The following CREB3 variants were observed in gnomAD, a reference collection of about 807,000 sequenced individuals.
CREB3 encodes the protein cyclic AMP-responsive element-binding protein 3.
In CREB3, 29 loss-of-function variants were observed where a neutral mutation model predicts 34.5. The observed-to-expected ratio is 0.84, with a 90% CI of 0.63 to 1.15. The LOEUF is 1.15. Among genes scored for constraint, CREB3 ranks in the 50% most tolerant of loss-of-function variants. The pLI is 0.00. For missense variants in CREB3, 447 were observed against 443.4 expected (o/e 1.01, Z -0.07); for synonymous variants, 187 against 173.9 (o/e 1.08, Z -0.59).
Position 35,732,954 on chromosome 9 carries a change from A to G in CREB3, c.130-42A>G, listed in dbSNP as rs373045938. ...CGTGGGATGTCCATGAAGTCAGGTGATGGTGATAAGGTCAAGGCCTGTTCA... is the reference window on the plus strand; with the variant it reads ...CGTGGGATGTCCATGAAGTCAGGTGGTGGTGATAAGGTCAAGGCCTGTTCA... On this transcript the variant is annotated intron_variant, in intron 1 of 8. Transcript: ENST00000353704. This position sits in a 1 kb window ranked among gnomAD's most constrained non-coding sequence, Gnocchi z 5.1. The G allele has an allele frequency of 6.2e-7, 1 of 1,612,978 alleles. No homozygotes were observed. The highest frequency in any genetic ancestry group is 8.5e-7 in the Non-Finnish European group (1 of 1,179,194).
chr9:35,735,050 G>A (rs929906501), intron 4 of CREB3, 59 bp from the exon 5 acceptor site: 76 of 1,413,330 alleles, frequency 5.4e-5, no homozygotes, highest in South Asian at 6.3e-5. Context: ...TCTCAGTTGC[G>A]TTTCAACTCC....
chr9:35,732,980 T>C lies in CREB3; in HGVS notation c.130-16T>C, dbSNP rs1265100541. The C allele has an allele frequency of 1.6e-5, 26 of 1,613,860 alleles. No individual in the cohort carries two copies. Among genetic ancestry groups the C allele is most frequent in the African/African-American group, 1.2e-4 (9 of 74,924 alleles). On this transcript the variant is annotated splice_polypyrimidine_tract_variant and intron_variant, in intron 1 of 8. Transcript: ENST00000353704. The surrounding 1 kb of genome is among the most constrained non-coding windows in gnomAD (Gnocchi z 5.1). The stretch of plus-strand genomic sequence containing the variant: ...TGGTGATAAGGTCAAGGCCTGTTCA[T>C]TGGAACCCTGCGCAGGTACCGAGCG...
chr9:35,732,819 T>G lies in CREB3; in HGVS notation c.47T>G (p.Leu16Arg), dbSNP rs1826114658. ...DAGDQDLLAF[L>R]LEESGDLGTA... The stretch of plus-strand genomic sequence containing the variant: ...GGTGACCAAGACCTGCTGGCCTTCC[T>G]GCTAGAGGAAAGTGGAGATTTGGGG... The change falls in exon 1 of 9, where the codon CTG becomes CGG. Residue 16 changes from leucine to arginine, a missense_variant. Coordinates refer to ENST00000353704, the MANE Select transcript of CREB3 (RefSeq NM_006368.5). This position sits in a 1 kb window ranked among gnomAD's most constrained non-coding sequence, Gnocchi z 5.1. 6.2e-7 allele frequency: 1 copy of G among 1,614,208 alleles called. No homozygotes were observed. The highest frequency in any genetic ancestry group is 8.5e-7 in the Non-Finnish European group (1 of 1,180,028).
chr9:35,732,911 G>T lies in CREB3; in HGVS notation c.129+10G>T. The T allele has an allele frequency of 6.2e-7, 1 of 1,613,472 alleles. No homozygotes were observed. The highest frequency in any genetic ancestry group is 8.5e-7 in the Non-Finnish European group (1 of 1,179,606). Reference sequence around the variant, plus strand: ...GCTGCCGCTTTCTGAGGTAGGTTGGGGTTCTGACTGGGGAAAGCGTGGGAT... The same window carrying T: ...GCTGCCGCTTTCTGAGGTAGGTTGGTGTTCTGACTGGGGAAAGCGTGGGAT... On this transcript the variant is annotated intron_variant, in intron 1 of 8. Transcript: ENST00000353704. This position sits in a 1 kb window ranked among gnomAD's most constrained non-coding sequence, Gnocchi z 5.1.
chr9:35,736,235 A>G lies in CREB3; in HGVS notation c.705A>G (p.Leu235=). 3 of 1,614,144 alleles carry G rather than the reference A, an allele frequency of 1.9e-6. No homozygotes were observed. Among genetic ancestry groups the G allele is most frequent in the Non-Finnish European group, 8.5e-7 (1 of 1,180,020 alleles). The change falls in exon 8 of 9, where the codon CTA becomes CTG. Residue 235 remains leucine (L), a synonymous_variant. Coordinates refer to ENST00000353704, the MANE Select transcript of CREB3 (RefSeq NM_006368.5). ...SSSSTCILVL[L]VSFCLLLVPA... ...TTTTTCCTGTGCTCTAGGTCCTACT[A>G]GTCTCCTTCTGCCTCCTCCTTGTAC...
In CREB3 at chr9:35,733,134, A is replaced by G. The variant is rs748344685; in HGVS notation, c.268A>G (p.Met90Val). The G allele has an allele frequency of 4.2e-5, 68 of 1,614,024 alleles. No homozygotes were observed. Among genetic ancestry groups the G allele is most frequent in the African/African-American group, 5.3e-5 (4 of 74,910 alleles). ...CTCCCTCCCACGGGAAACTGTCTCT[A>G]TGGATCTAGGTGAGTCTGAAATAAG... ...TYSLPRETVSMDLESESCRKE... is the reference protein window; with the variant it reads ...TYSLPRETVSVDLESESCRKE... The change falls in exon 2 of 9, where the codon ATG becomes GTG. Residue 90 changes from methionine (M) to valine (V), a missense_variant. Transcript: ENST00000353704.
chr9:35,736,350 G>C, intron 8 of CREB3, 39 bp downstream of exon 8: 2 of 1,613,384 alleles, frequency 1.2e-6, no homozygotes, highest in Non-Finnish European at 1.7e-6. Context: ...AGGGCAAGGG[G>C]AGAGGTCTGG....
chr9:35,735,159 A>G lies in CREB3; in HGVS notation c.486A>G (p.Arg162=). Residue 162 remains arginine, a synonymous_variant, in exon 5 of 9, where the codon AGA becomes AGG. Coordinates refer to ENST00000353704, the MANE Select transcript of CREB3 (RefSeq NM_006368.5). ...TGCGGAGGAAGATTCGAAATAAAAG[A>G]TCTGCTCAAGAGAGCCGCAGGAAAA... ...KRVRRKIRNK[R]SAQESRRKKK... is the part of the protein sequence containing the mutation. 1.2e-6 allele frequency: 2 copies of G among 1,601,614 alleles called. No individual in the cohort carries two copies. The highest frequency in any genetic ancestry group is 1.1e-5 in the South Asian group (1 of 88,088).
At chr9:35,734,882 G>A (rs1347550117) in intron 4 of CREB3, among the ~76,000 whole-genome samples, 3 of 152,164 alleles carry the variant, frequency 2.0e-5, no homozygotes, top group South Asian at 2.1e-4. Context: ...CATGAGCCAC[G>A]TCGCCTGAAT....
chr9:35,735,266 G>T (rs777622457), intron 5 of CREB3, 40 bp from the exon 6 acceptor site: 2 of 1,612,180 alleles, frequency 1.2e-6, no homozygotes, highest in East Asian at 4.5e-5. Context: ...TTGAAGGGAG[G>T]ATACAGGCCA....
intron 3 of CREB3, 41 bp downstream of exon 3, chr9:35,733,323 C>T: frequency 1.2e-6 from 2 of 1,612,124 alleles, no homozygotes; most frequent in Non-Finnish European, 1.7e-6. Context: ...TCACATTCCC[C>T]AGGTGGGGGC....
intron 4 of CREB3, 94 bp downstream of exon 4, chr9:35,733,579 G>T: frequency 2.4e-6 from 2 of 840,980 alleles, no homozygotes; most frequent in Non-Finnish European, 3.9e-6. Context: ...CTTTAAAAAA[G>T]GATTGAGGTG....
chr9:35,736,186 A>G (rs201555221), intron 7 of CREB3, 41 bp from the exon 8 acceptor site: 1 of 1,611,546 alleles, frequency 6.2e-7, no homozygotes, highest in African/African-American at 1.3e-5. Context: ...GGGACAGGGC[A>G]ATCCAGAGCC....
chr9:35,733,328 G>T, intron 3 of CREB3, 46 bp downstream of exon 3: 6 of 1,612,034 alleles, frequency 3.7e-6, no homozygotes, highest in Middle Eastern at 1.7e-4. Context: ...TTCCCCAGGT[G>T]GGGGCAGGAT....
In CREB3 at chr9:35,732,987, C is replaced by G; in HGVS notation, c.130-9C>G. On this transcript the variant is annotated splice_polypyrimidine_tract_variant and intron_variant, in intron 1 of 8. Coordinates refer to ENST00000353704, the MANE Select transcript of CREB3 (RefSeq NM_006368.5). This position sits in a 1 kb window ranked among gnomAD's most constrained non-coding sequence, Gnocchi z 5.1. ...AAGGTCAAGGCCTGTTCATTGGAAC[C>G]CTGCGCAGGTACCGAGCGACTGGGA... The G allele has an allele frequency of 6.2e-7, 1 of 1,613,974 alleles. No homozygotes were observed. Among genetic ancestry groups the G allele is most frequent in the Non-Finnish European group, 8.5e-7 (1 of 1,179,900 alleles).
Position 35,733,078 on chromosome 9 carries a change from A to T in CREB3, c.212A>T (p.Asn71Ile). The stretch of plus-strand genomic sequence containing the variant: ...TCGTTGAACATTCTCAGCTCCTCCA[A>T]CCCCTGCCTTGTCCACCATGACCAC... Reference protein sequence around the residue: ...PASLNILSSSNPCLVHHDHTY... With the variant: ...PASLNILSSSIPCLVHHDHTY... The change falls in exon 2 of 9, where the codon AAC (asparagine) becomes ATC (isoleucine). Residue 71 changes from asparagine to isoleucine, a missense_variant. Coordinates refer to ENST00000353704, the MANE Select transcript of CREB3 (RefSeq NM_006368.5). 1 of 1,614,008 alleles carries T rather than the reference A, an allele frequency of 6.2e-7. No homozygotes were observed. The highest frequency in any genetic ancestry group is 1.1e-5 in the South Asian group (1 of 91,068).
In CREB3 at chr9:35,734,358, C is replaced by G. The variant is rs557047924; in HGVS notation, c.436-751C>G. On this transcript the variant is annotated intron_variant, in intron 4 of 8. Coordinates refer to ENST00000353704, the MANE Select transcript of CREB3 (RefSeq NM_006368.5). Reference sequence around the variant, plus strand: ...AGAGTTATTGTCTCTACAAGTCACTCTCTTGCTTTCCTTGATACTGGCTAG... The same window carrying G: ...AGAGTTATTGTCTCTACAAGTCACTGTCTTGCTTTCCTTGATACTGGCTAG... 3.3e-5 allele frequency among the ~76,000 whole-genome samples: 5 copies of G among 152,218 alleles called. No individual in the cohort carries two copies. In the South Asian group the frequency reaches 6.2e-4, roughly 19 times the overall value.
Position 35,733,060 on chromosome 9 carries a change from A to C in CREB3, c.194A>C (p.Asn65Thr), listed in dbSNP as rs1381731611. The change falls in exon 2 of 9, where the codon AAC becomes ACC. Residue 65 changes from asparagine to threonine, a missense_variant. Transcript: ENST00000353704. The stretch of plus-strand genomic sequence containing the variant: ...CTGCTGAGTCCCCCAGCGTCGTTGA[A>C]CATTCTCAGCTCCTCCAACCCCTGC... ...CSLLSPPASLNILSSSNPCLV... is the reference protein window; with the variant it reads ...CSLLSPPASLTILSSSNPCLV... The C allele has an allele frequency of 2.5e-6, 4 of 1,614,180 alleles. No homozygotes were observed.
In CREB3 at chr9:35,736,095, T is replaced by A. The variant is rs1826198445; in HGVS notation, c.659T>A (p.Ile220Lys). ...AAACTCCAGGCCATGGTGATTGAGATATCAAACAAAACCAGCAGCAGCAGC... is the reference window on the plus strand; with the variant it reads ...AAACTCCAGGCCATGGTGATTGAGAAATCAAACAAAACCAGCAGCAGCAGC... Reference protein sequence around the residue: ...LRKLQAMVIEISNKTSSSSTC... With the variant: ...LRKLQAMVIEKSNKTSSSSTC... Residue 220 changes from isoleucine (I) to lysine (K), a missense_variant, in exon 7 of 9, where the codon ATA becomes AAA. Transcript: ENST00000353704. 1 of 1,614,042 alleles carries A rather than the reference T, an allele frequency of 6.2e-7. No homozygotes were observed. The highest frequency in any genetic ancestry group is 1.6e-4 in the Middle Eastern group (1 of 6,062).
Sources: gnomAD v4.1 joint callset for allele counts (sites outside exome capture counted in the v4.1 genomes callset) on GRCh38, gnomAD v4.1.1 for gene constraint, Gnocchi (gnomAD v3.1) non-coding constraint, MANE v1.5 for transcripts, NCBI Gene and HGNC (gene_info 2026-07-23, HGNC 2026-07-21) for gene names.